Variants in ATP10B observed in about 807,000 individuals in gnomAD.
ATP10B encodes phospholipid-transporting ATPase VB.
ATP10B carries 122 observed loss-of-function variants against 141.2 expected under a neutral mutation model. That is an observed-to-expected ratio of 0.86 (90% confidence interval 0.75 to 1.00). The LOEUF is 1.00. ATP10B is among the 50% of genes least tolerant of loss of function. The pLI is 0.00. For missense variants in ATP10B, 1,876 were observed against 1,825.3 expected (o/e 1.03, Z -0.51); for synonymous variants, 685 against 692.0 (o/e 0.99, Z 0.16).
At chr5:160,843,438 C>T (rs1402691516) in intron 1 of ATP10B, among the ~76,000 whole-genome samples, 5 of 151,634 alleles carry the variant, frequency 3.3e-5, no homozygotes, top group African/African-American at 9.7e-5. Context: ...TTGCCTGCCT[C>T]GTTGATTTAG....
At chr5:160,588,534 T>C (rs1756064436) in intron 24 of ATP10B, among the ~76,000 whole-genome samples, 1 of 152,218 alleles carries the variant, frequency 6.6e-6, no homozygotes, top group Admixed American at 6.5e-5. Flanking sequence ...TTCTGTAAAG[T>C]GTTCCCTGTG....
chr5:160,873,321 T>A, the ATP10B span, among the ~76,000 whole-genome samples: 2 of 152,160 alleles, frequency 1.3e-5, no homozygotes, highest in Non-Finnish European at 2.9e-5. Context: ...AAATTTCTCA[T>A]TAACATCAGG....
the ATP10B span, among the ~76,000 whole-genome samples, chr5:160,919,187 G>GCACT: frequency 9.9e-5 from 12 of 121,386 alleles, no homozygotes; most frequent in African/African-American, 3.4e-4. Flanking sequence ...TCGCGCCACT[G>GCACT]CACTCCAGCC....
intron 1 of ATP10B, among the ~76,000 whole-genome samples, chr5:160,817,215 C>T (rs1170646144): frequency 6.6e-6 from 1 of 152,156 alleles, no homozygotes; most frequent in Non-Finnish European, 1.5e-5. Context: ...GTCAAATGGT[C>T]CCTGTTTGCA....
intron 1 of ATP10B, among the ~76,000 whole-genome samples, chr5:160,814,902 G>A (rs1404742276): frequency 6.6e-6 from 1 of 152,088 alleles, no homozygotes; most frequent in Non-Finnish European, 1.5e-5. Flanking sequence ...ATAAATGAAG[G>A]AGAAATAAAA....
chr5:160,842,929 C>T (rs1489893811), intron 1 of ATP10B, among the ~76,000 whole-genome samples: 2 of 152,050 alleles, frequency 1.3e-5, no homozygotes, highest in South Asian at 2.1e-4. Flanking sequence ...ATAGAAAACA[C>T]TTCCCAATTT....
intron 7 of ATP10B, among the ~76,000 whole-genome samples, chr5:160,666,943 G>A (rs1193456415): frequency 6.6e-6 from 1 of 152,134 alleles, no homozygotes; most frequent in African/African-American, 2.4e-5. Context: ...CTGGGACCGG[G>A]CACAGTGGCT....
chr5:160,861,069 A>G, the ATP10B span, among the ~76,000 whole-genome samples: 1 of 151,916 alleles, frequency 6.6e-6, no homozygotes, highest in Non-Finnish European at 1.5e-5. Context: ...GGATGACACT[A>G]TATAATAATA....
chr5:160,819,565 T>A (rs1773945690), intron 1 of ATP10B, among the ~76,000 whole-genome samples: 1 of 152,184 alleles, frequency 6.6e-6, no homozygotes, highest in Non-Finnish European at 1.5e-5. Flanking sequence ...TGTAAACTAC[T>A]CTTATCTTAA....
intron 2 of ATP10B, among the ~76,000 whole-genome samples, chr5:160,755,808 C>T (rs1485122301): frequency 4.2e-5 from 4 of 95,176 alleles, no homozygotes; most frequent in Non-Finnish European, 7.9e-5. Context: ...GAGCGAGACT[C>T]CGTCTCAAAA....
At chr5:160,678,329 A>C (rs1390529184) in intron 6 of ATP10B, among the ~76,000 whole-genome samples, 1 of 152,172 alleles carries the variant, frequency 6.6e-6, no homozygotes, top group Non-Finnish European at 1.5e-5. Context: ...TGGGGTTGGC[A>C]TTGAAAAGGT....
At chr5:160,574,385 A>G (rs895975101) in intron 24 of ATP10B, among the ~76,000 whole-genome samples, 2 of 152,164 alleles carry the variant, frequency 1.3e-5, no homozygotes, top group Non-Finnish European at 2.9e-5. Context: ...GTGAGCCCAG[A>G]TTGCGCCACT....
chr5:160,694,768 C>T (rs1416782793), intron 3 of ATP10B, among the ~76,000 whole-genome samples: 1 of 152,174 alleles, frequency 6.6e-6, no homozygotes, highest in Non-Finnish European at 1.5e-5. Context: ...GTGAGTAAAA[C>T]CTACCCATGC....
intron 3 of ATP10B, among the ~76,000 whole-genome samples, chr5:160,708,251 T>C (rs924990313): frequency 1.3e-5 from 2 of 152,136 alleles, no homozygotes; most frequent in Non-Finnish European, 2.9e-5. Flanking sequence ...TATTTTGGCT[T>C]ATTATTCTGA....
At chr5:160,770,522 T>C (rs1769816609) in intron 2 of ATP10B, among the ~76,000 whole-genome samples, 1 of 152,168 alleles carries the variant, frequency 6.6e-6, no homozygotes, top group Non-Finnish European at 1.5e-5. Context: ...ATTAAGTTAT[T>C]TGAAATATGG....
chr5:160,822,648 T>C (rs1461121958), intron 1 of ATP10B, among the ~76,000 whole-genome samples: 2 of 152,070 alleles, frequency 1.3e-5, no homozygotes, highest in African/African-American at 2.4e-5. Flanking sequence ...CAGAAAATGT[T>C]GTACATATAC....
At chr5:160,602,492 T>G in intron 21 of ATP10B, 85 bp downstream of exon 21, 1 of 1,572,750 alleles carries the variant, frequency 6.4e-7, no homozygotes, top group Non-Finnish European at 8.7e-7. Context: ...TATGCTGAGG[T>G]GCTTTGCCCA....
intron 1 of ATP10B, among the ~76,000 whole-genome samples, chr5:160,794,234 A>C (rs888166689): frequency 2.6e-5 from 4 of 152,204 alleles, no homozygotes; most frequent in Admixed American, 2.6e-4. Flanking sequence ...TCAGGGGAGC[A>C]GTTAATGAAT....
chr5:160,641,231 C>T (rs142640417), intron 9 of ATP10B, among the ~76,000 whole-genome samples: 188 of 152,324 alleles, frequency 1.2e-3, no homozygotes, highest in African/African-American at 4.2e-3. Flanking sequence ...GAGTTGGCAG[C>T]AGAGTTTTAG....
Sources: allele counts gnomAD v4.1 joint callset (sites outside exome capture counted in the v4.1 genomes callset), GRCh38; gene constraint gnomAD v4.1.1; transcripts MANE v1.5; gene names NCBI Gene and HGNC (gene_info 2026-07-23, HGNC 2026-07-21).